The following DGKZ variants were observed in gnomAD, a reference collection of about 807,000 sequenced individuals.
The protein encoded by DGKZ is diacylglycerol kinase zeta.
A neutral mutation model predicts 142.5 loss-of-function variants in DGKZ; 45 were observed. That is an observed-to-expected ratio of 0.32 (90% CI 0.25 to 0.40). DGKZ has a LOEUF of 0.40. DGKZ is among the 10% of genes least tolerant of loss of function. The pLI, the probability that DGKZ is intolerant of heterozygous loss-of-function variation, is 1.00. For synonymous variants in DGKZ, 442 were observed against 527.0 expected, an observed-to-expected ratio of 0.84 and a Z score of 2.21; for missense variants, 755 against 1,306.5, an observed-to-expected ratio of 0.58 and a Z score of 6.51.
intron 1 of DGKZ, among the ~76,000 whole-genome samples, chr11:46,355,192 T>C (rs2136420299): frequency 6.6e-6 from 1 of 152,288 alleles, no homozygotes; most frequent in African/African-American, 2.4e-5. Flanking sequence ...CACTGCCAGC[T>C]CTGCCTCCCG....
intron 6 of DGKZ, among the ~76,000 whole-genome samples, chr11:46,370,815 G>A (rs1943864104): frequency 2.0e-5 from 3 of 152,118 alleles, no homozygotes; most frequent in South Asian, 4.1e-4. Context: ...TGGGTGTGGT[G>A]GCTCACGCCT....
At position 46,372,693 on chromosome 11, in the gene DGKZ, G is replaced by A. The variant is rs1157590341; in HGVS notation, c.1071+16G>A. On this transcript the variant is annotated intron_variant, in intron 12 of 30. Transcript: ENST00000527911. The surrounding 1 kb of genome is among the most constrained non-coding windows in gnomAD (Gnocchi z 5.9). The stretch of plus-strand genomic sequence containing the variant: ...CGACGGCACGGTGAGCTCCCCGCAT[G>A]GGCCAGCCGAGCACCAGGGCTGGGC... The A allele has an allele frequency of 3.1e-6, 5 of 1,612,816 alleles. No homozygotes were observed. The highest frequency in any genetic ancestry group is 1.7e-4 in the Middle Eastern group (1 of 6,058).
In DGKZ at chr11:46,378,961, G is replaced by A. The variant is rs772174683; in HGVS notation, c.2419-30G>A. On this transcript the variant is annotated intron_variant, in intron 27 of 30. Transcript: ENST00000527911. The stretch of plus-strand genomic sequence containing the variant: ...AGGGAAGGAGGGGTGGCCCCAGGAG[G>A]TCCAGCCCTGCCATGCCTCCTGCCC... 6 of 1,513,636 alleles carry A rather than the reference G, an allele frequency of 4.0e-6. No homozygotes were observed. In the Admixed American group the frequency reaches 1.1e-4, roughly 27 times the overall value. The allele number at this position is 1,513,636 out of a possible 1,614,324, so 93.8% of individuals were successfully genotyped here.
intron 16 of DGKZ, 21 bp from the exon 17 acceptor site, chr11:46,374,583 G>A (rs200272102): frequency 1.1e-4 from 179 of 1,591,256 alleles, no homozygotes; most frequent in Non-Finnish European, 1.4e-4. Flanking sequence ...AGCAGATGGT[G>A]ACGCCCTCTG....
chr11:46,367,279 TCTC>T lies in DGKZ; in HGVS notation c.162-8_162-6del, dbSNP rs781062257. On this transcript the variant is annotated splice_polypyrimidine_tract_variant and intron_variant, in intron 1 of 30. Coordinates refer to ENST00000527911, the Ensembl canonical transcript of DGKZ. The surrounding 1 kb of genome is among the most constrained non-coding windows in gnomAD (Gnocchi z 4.1). ...TGCTCAGCCCCCTCCTCAGCTGTCT[TCTC>T]CTCTCTAGGAAAGCCATCACCAAGT... 6.9e-5 allele frequency: 111 copies of T among 1,609,102 alleles called. No homozygotes were observed. Among genetic ancestry groups the T allele is most frequent in the Non-Finnish European group, 8.9e-5 (105 of 1,177,996 alleles).
intron 1 of DGKZ, among the ~76,000 whole-genome samples, chr11:46,357,892 T>C (rs11038871): frequency 0.43 from 64,885 of 152,090 alleles, 18,434 homozygotes; most frequent in African/African-American, 0.81. Context: ...CAGCAGTAAG[T>C]CAGGCACAGC....
At chr11:46,371,068 A>C (rs558752286) in intron 6 of DGKZ, among the ~76,000 whole-genome samples, 2 of 152,248 alleles carry the variant, frequency 1.3e-5, no homozygotes, top group South Asian at 4.1e-4. Flanking sequence ...CTGGGCAACA[A>C]GAGCGAGACT....
chr11:46,333,544 C>T (rs1590361929), intron 1 of DGKZ: 3 of 1,461,524 alleles, frequency 2.1e-6, no homozygotes, highest in Non-Finnish European at 1.9e-6. Context: ...CTCTTGCAGG[C>T]GTCATTGCAC....
intron 1 of DGKZ, among the ~76,000 whole-genome samples, chr11:46,342,142 T>C (rs1940308119): frequency 6.6e-6 from 1 of 152,204 alleles, no homozygotes; most frequent in South Asian, 2.1e-4. Flanking sequence ...ACCCAGATTC[T>C]TCTTCCTGTG....
intron 1 of DGKZ, among the ~76,000 whole-genome samples, chr11:46,351,450 G>C (rs1481456463): frequency 6.6e-6 from 1 of 152,222 alleles, no homozygotes; most frequent in African/African-American, 2.4e-5. Context: ...AGCGAGCATG[G>C]CCCTGAAGTC....
chr11:46,379,259 A>G, intron 29 of DGKZ, 23 bp downstream of exon 29: 2 of 1,613,018 alleles, frequency 1.2e-6, no homozygotes, highest in Non-Finnish European at 1.7e-6. Context: ...GCAGTGCAGA[A>G]CCGTGGTCAC....
At chr11:46,360,978 C>G (rs1484851613) in intron 1 of DGKZ, among the ~76,000 whole-genome samples, 1 of 152,016 alleles carries the variant, frequency 6.6e-6, no homozygotes, top group East Asian at 1.9e-4. Flanking sequence ...AAGCTGGAGT[C>G]CCAGCTCAAC....
chr11:46,368,207 C>T (rs777738063), intron 4 of DGKZ, 128 bp downstream of exon 4: 1 of 977,472 alleles, frequency 1.0e-6, no homozygotes, highest in African/African-American at 1.6e-5. Context: ...GGTGAAGAGT[C>T]AAGGACCCTG....
At chr11:46,341,379 T>C (rs1322606930) in intron 1 of DGKZ, among the ~76,000 whole-genome samples, 1 of 152,178 alleles carries the variant, frequency 6.6e-6, no homozygotes, top group Non-Finnish European at 1.5e-5. Context: ...GGAATATCAT[T>C]GGGAACAAAA....
At chr11:46,340,466 A>G (rs1940225559) in intron 1 of DGKZ, among the ~76,000 whole-genome samples, 1 of 152,170 alleles carries the variant, frequency 6.6e-6, no homozygotes, top group South Asian at 2.1e-4. Context: ...CTCACCTCCA[A>G]TCCAGGAAAT....
chr11:46,371,867 C>T, intron 9 of DGKZ, 92 bp downstream of exon 9: 1 of 1,458,736 alleles, frequency 6.9e-7, no homozygotes, highest in Non-Finnish European at 9.4e-7. Context: ...CTAATGCTGC[C>T]AGCTGGTGGG....
intron 5 of DGKZ, 187 bp from the exon 6 acceptor site, chr11:46,369,754 G>A: frequency 1.1e-6 from 1 of 890,180 alleles, no homozygotes; most frequent in Non-Finnish European, 1.8e-6. Flanking sequence ...GTGCTTCCCA[G>A]CCTTCTCTGT....
chr11:46,374,756 C>T lies in DGKZ; in HGVS notation c.1525-10C>T, dbSNP rs750788303. 3 of 1,613,000 alleles carry T rather than the reference C, an allele frequency of 1.9e-6. No individual in the cohort carries two copies. The highest frequency in any genetic ancestry group is 2.5e-6 in the Non-Finnish European group (3 of 1,179,438). ...ACATGCACCTCAACACCCTCCCCGCCCGCCTCCAGTGTGATGGAATGGACT... is the reference window on the plus strand; with the variant it reads ...ACATGCACCTCAACACCCTCCCCGCTCGCCTCCAGTGTGATGGAATGGACT... On this transcript the variant is annotated splice_polypyrimidine_tract_variant and intron_variant, in intron 17 of 30. Transcript: ENST00000527911.
exon 19 of DGKZ, chr11:46,374,980 G>A: frequency 1.9e-6 from 3 of 1,612,698 alleles, no homozygotes; most frequent in Non-Finnish European, 1.7e-6. Flanking sequence ...GGAGCACCAC[G>A]ACTTTGAGCC....
Sources: gnomAD v4.1 joint callset for allele counts (sites outside exome capture counted in the v4.1 genomes callset) on GRCh38, gnomAD v4.1.1 for gene constraint, Gnocchi (gnomAD v3.1) non-coding constraint, MANE v1.5 for transcripts, NCBI Gene and HGNC (gene_info 2026-07-23, HGNC 2026-07-21) for gene names.